Variants in DENND1B observed in about 807,000 individuals in gnomAD.
The protein encoded by DENND1B is DENN domain-containing protein 1B.
A neutral mutation model predicts 90.1 loss-of-function variants in DENND1B; 59 were observed. The observed-to-expected ratio is 0.65, with a 90% CI of 0.53 to 0.81. The LOEUF (loss-of-function observed/expected upper bound fraction) is 0.81, where lower values mean the gene tolerates loss of function less well. Among genes scored for constraint, DENND1B ranks in the 40% least tolerant of loss-of-function variants. DENND1B has a pLI of 0.00. For synonymous variants in DENND1B, 337 were observed against 324.6 expected, an observed-to-expected ratio of 1.04 and a Z score of -0.41; for missense variants, 862 against 912.6, an observed-to-expected ratio of 0.94 and a Z score of 0.71.
intron 2 of DENND1B, among the ~76,000 whole-genome samples, chr1:197,736,368 A>G (rs1662693350): frequency 1.3e-5 from 2 of 152,080 alleles, no homozygotes; most frequent in South Asian, 2.1e-4. Flanking sequence ...CTATCTATCG[A>G]GACAGGATCT....
chr1:197,644,044 A>G (rs1162509333), intron 9 of DENND1B, among the ~76,000 whole-genome samples: 1 of 152,232 alleles, frequency 6.6e-6, no homozygotes, highest in Non-Finnish European at 1.5e-5. Flanking sequence ...ACAAATTGGT[A>G]ATCATGATAG....
chr1:197,511,351 A>G (rs1236439614), intron 22 of DENND1B, among the ~76,000 whole-genome samples: 2 of 151,824 alleles, frequency 1.3e-5, no homozygotes, highest in African/African-American at 4.8e-5. Flanking sequence ...GGGTAAGAAA[A>G]ATGATTTGAA....
At chr1:197,753,722 C>T (rs1300147896) in intron 2 of DENND1B, among the ~76,000 whole-genome samples, 1 of 152,058 alleles carries the variant, frequency 6.6e-6, no homozygotes, top group Non-Finnish European at 1.5e-5. Flanking sequence ...AGTCGATGGC[C>T]ACGCGCGGTG....
intron 6 of DENND1B, among the ~76,000 whole-genome samples, chr1:197,656,018 GTTA>G (rs1391716770): frequency 1.3e-5 from 2 of 152,248 alleles, no homozygotes; most frequent in Non-Finnish European, 2.9e-5. Context: ...AGATCATAAA[GTTA>G]TTATATGTCA....
intron 20 of DENND1B, among the ~76,000 whole-genome samples, chr1:197,523,058 T>C (rs1232374871): frequency 6.6e-6 from 1 of 151,982 alleles, no homozygotes; most frequent in Non-Finnish European, 1.5e-5. Flanking sequence ...ATAAGAAAAA[T>C]TGGGAGCAGT....
At position 197,629,703 on chromosome 1, in the gene DENND1B, A is replaced by G. The variant is rs192691083; in HGVS notation, c.673-11944T>C. On this transcript the variant is annotated intron_variant, in intron 10 of 22. Transcript: ENST00000620048. Reference sequence around the variant, plus strand: ...AATAATAAAATAAAATAAAATAAAAAATGAATAAATTTAAAATTTTTGTTC... The same window carrying G: ...AATAATAAAATAAAATAAAATAAAAGATGAATAAATTTAAAATTTTTGTTC... 8.4e-3 allele frequency among the ~76,000 whole-genome samples: 1,282 copies of G among 151,934 alleles called. 19 individuals carry two copies. Among genetic ancestry groups the G allele is most frequent in the African/African-American group, 0.028 (1,178 of 41,518 alleles).
intron 10 of DENND1B, among the ~76,000 whole-genome samples, chr1:197,622,189 G>A (rs1488821656): frequency 2.0e-5 from 3 of 151,338 alleles, no homozygotes; most frequent in African/African-American, 7.3e-5. Flanking sequence ...GAAAATAATA[G>A]CAACAACAAA....
chr1:197,632,437 A>G (rs777512575), intron 10 of DENND1B, among the ~76,000 whole-genome samples: 1 of 152,142 alleles, frequency 6.6e-6, no homozygotes, highest in Non-Finnish European at 1.5e-5. Flanking sequence ...CCTTTCGAGA[A>G]TGAGGTGTCA....
intron 5 of DENND1B, among the ~76,000 whole-genome samples, 199 bp downstream of exon 5, chr1:197,671,838 T>A (rs187752459): frequency 6.6e-6 from 1 of 152,208 alleles, no homozygotes; most frequent in East Asian, 1.9e-4. Context: ...CTTTAAAAAA[T>A]CGATTATTTC....
At chr1:197,746,782 T>A in intron 2 of DENND1B, 1 of 1,549,048 alleles carries the variant, frequency 6.5e-7, no homozygotes, top group South Asian at 1.1e-5. Context: ...GGGTTTCCCA[T>A]CTCTTCTTTG....
At chr1:197,544,907 A>G (rs1334689174) in intron 18 of DENND1B, among the ~76,000 whole-genome samples, 18 of 139,842 alleles carry the variant, frequency 1.3e-4, no homozygotes, top group East Asian at 2.1e-4. Context: ...AGAAGAAAGA[A>G]GAAGAAAAGA....
At chr1:197,651,269 T>C (rs915783497) in intron 7 of DENND1B, among the ~76,000 whole-genome samples, 8 of 152,036 alleles carry the variant, frequency 5.3e-5, no homozygotes, top group South Asian at 2.1e-4. Context: ...CATGAAGAAA[T>C]TAATAAAAAA....
rs1667756876 is a variant in DENND1B, at chr1:197,506,948, G to C, written c.*3512C>G. On this transcript the variant is annotated 3_prime_UTR_variant, in exon 23 of 23. Coordinates refer to ENST00000620048, the MANE Select transcript of DENND1B (RefSeq NM_001195215.2). ...AGATAAAGACACTCAGTTTCTAAAA[G>C]AGTCTCTAAATCTGCCCCTTAAATG... The C allele has an allele frequency of 6.6e-6, 1 of 151,146 alleles. No individual in the cohort carries two copies. The highest frequency in any genetic ancestry group is 1.5e-5 in the Non-Finnish European group (1 of 67,470). The allele number at this position is 151,146 out of a possible 1,614,324, so 9.4% of individuals were successfully genotyped here.
At chr1:197,596,912 C>T (rs548892602) in intron 13 of DENND1B, among the ~76,000 whole-genome samples, 6 of 151,870 alleles carry the variant, frequency 4.0e-5, no homozygotes, top group African/African-American at 1.2e-4. Flanking sequence ...TTACTGTGAT[C>T]TGATCAAAGA....
intron 12 of DENND1B, among the ~76,000 whole-genome samples, chr1:197,609,585 T>C (rs1454438709): frequency 6.6e-6 from 1 of 150,598 alleles, no homozygotes; most frequent in African/African-American, 2.4e-5. Context: ...TTACTCATAA[T>C]TTCATTAAAA....
chr1:197,716,258 T>C (rs1035420772), intron 2 of DENND1B, among the ~76,000 whole-genome samples: 8 of 151,776 alleles, frequency 5.3e-5, no homozygotes, highest in African/African-American at 1.9e-4. Context: ...TTTTTTCAGG[T>C]ATTTTAAATT....
intron 2 of DENND1B, among the ~76,000 whole-genome samples, chr1:197,758,812 A>G (rs1324084655): frequency 1.3e-5 from 2 of 152,170 alleles, no homozygotes; most frequent in African/African-American, 4.8e-5. Flanking sequence ...CCATTAAAGC[A>G]TAAGTATTAG....
At chr1:197,546,894 A>G (rs1036985091) in intron 16 of DENND1B, 121 bp from the exon 17 acceptor site, 2 of 738,550 alleles carry the variant, frequency 2.7e-6, no homozygotes, top group Non-Finnish European at 2.2e-6. Flanking sequence ...TGCAATGTTG[A>G]AAAGTAGTTC....
At chr1:197,652,363 C>G in intron 6 of DENND1B, 48 bp from the exon 7 acceptor site, 1 of 1,415,872 alleles carries the variant, frequency 7.1e-7, no homozygotes, top group Non-Finnish European at 9.8e-7. Context: ...ATATACCAAG[C>G]AACTGCAATT....
Sources: gnomAD v4.1 joint callset for allele counts (sites outside exome capture counted in the v4.1 genomes callset) on GRCh38, gnomAD v4.1.1 for gene constraint, MANE v1.5 for transcripts, NCBI Gene and HGNC (gene_info 2026-07-23, HGNC 2026-07-21) for gene names.